The following MMAA variants were observed in gnomAD, a reference collection of about 807,000 sequenced individuals.
MMAA encodes the protein metabolism of cobalamin associated A.
MMAA carries 41 observed loss-of-function variants against 45.0 expected under a neutral mutation model. The ratio of observed to expected loss-of-function variants is 0.91; its 90% CI spans 0.71 to 1.18. MMAA has a LOEUF of 1.18. Among genes scored for constraint, MMAA ranks in the 50% most tolerant of loss-of-function variants. The pLI, the probability that MMAA is intolerant of heterozygous loss-of-function variation, is 0.00. For missense variants in MMAA, 460 were observed against 495.7 expected (o/e 0.93, Z 0.68); for synonymous variants, 154 against 178.2 (o/e 0.86, Z 1.08).
Position 145,658,799 on chromosome 4 carries a change from C to A in MMAA, c.*3365C>A, listed in dbSNP as rs961488831. On this transcript the variant is annotated 3_prime_UTR_variant, in exon 7 of 7. Transcript: ENST00000649156. Reference sequence around the variant, plus strand: ...AATGCTACTGCTAAAAACTAGTAAACTACCAGTAAACTGTGAAGACAGAAG... The same window carrying A: ...AATGCTACTGCTAAAAACTAGTAAAATACCAGTAAACTGTGAAGACAGAAG... 6.6e-6 allele frequency: 1 copy of A among 151,680 alleles called. No homozygotes were observed. Among genetic ancestry groups the A allele is most frequent in the Non-Finnish European group, 1.5e-5 (1 of 67,950 alleles). 9.4% of individuals were successfully genotyped at this position (151,680 alleles called of 1,614,324 possible).
intron 3 of MMAA, among the ~76,000 whole-genome samples, chr4:145,645,426 A>G (rs189510221): frequency 6.6e-6 from 1 of 152,342 alleles, no homozygotes; most frequent in Admixed American, 6.5e-5. Flanking sequence ...ACATTCCTGT[A>G]TATAATTACA....
chr4:145,639,481 G>A lies in MMAA; in HGVS notation c.342G>A (p.Arg114=), dbSNP rs774790573. Residue 114 remains arginine (R), a synonymous_variant, in exon 2 of 7, where the codon AGG becomes AGA. Coordinates refer to ENST00000649156, the MANE Select transcript of MMAA (RefSeq NM_172250.3). ...CTCTTGTAGAATCAACTCACAGCAG[G>A]AAAAAGGAGTTAGCCCAGGTGCTTC... The part of the protein sequence containing the change: ...AITLVESTHS[R]KKELAQVLLQ... The A allele has an allele frequency of 6.2e-7, 1 of 1,613,924 alleles. No individual in the cohort carries two copies. Among genetic ancestry groups the A allele is most frequent in the Non-Finnish European group, 8.5e-7 (1 of 1,179,978 alleles).
At chr4:145,647,617 C>A (rs1727966851) in intron 4 of MMAA, among the ~76,000 whole-genome samples, 1 of 152,034 alleles carries the variant, frequency 6.6e-6, no homozygotes, top group Non-Finnish European at 1.5e-5. Context: ...TTCCTAAGAC[C>A]CCGGACCTTT....
At chr4:145,629,125 T>C (rs1734268198) in intron 1 of MMAA, among the ~76,000 whole-genome samples, 1 of 152,148 alleles carries the variant, frequency 6.6e-6, no homozygotes. Flanking sequence ...TTGATTTGTA[T>C]ATATATATTT....
At chr4:145,655,000 A>G (rs1728185736) in intron 6 of MMAA, 147 bp from the exon 7 acceptor site, 1 of 800,850 alleles carries the variant, frequency 1.2e-6, no homozygotes, top group Non-Finnish European at 2.0e-6. Context: ...ATATTGGTAT[A>G]TTTACTTTGA....
At chr4:145,643,912 C>T (rs572607963) in intron 3 of MMAA, among the ~76,000 whole-genome samples, 1 of 152,130 alleles carries the variant, frequency 6.6e-6, no homozygotes, top group East Asian at 1.9e-4. Context: ...GTTTCCTAAC[C>T]TTTCTCAAAA....
rs78256020 is a variant in MMAA, at chr4:145,622,014, G to A, written c.-66+2607G>A. Among the ~76,000 whole-genome samples the A allele has an allele frequency of 2.5e-3, 385 of 152,242 alleles. 2 individuals carry two copies. The highest frequency in any genetic ancestry group is 8.6e-3 in the African/African-American group (359 of 41,544). ...GAGTTATTGACCCATGCAGAATTAT[G>A]GTGTACATTCATTAATTCTGTGAGC... is the stretch of plus-strand genomic sequence containing the variant. On this transcript the variant is annotated intron_variant, in intron 1 of 6. Transcript: ENST00000649156.
intron 1 of MMAA, among the ~76,000 whole-genome samples, chr4:145,622,203 G>A (rs1734101616): frequency 6.6e-6 from 1 of 151,858 alleles, no homozygotes; most frequent in Non-Finnish European, 1.5e-5. Flanking sequence ...CTGTTCTCAT[G>A]ATAGTGAATG....
At chr4:145,623,579 G>T (rs1447935392) in intron 1 of MMAA, among the ~76,000 whole-genome samples, 2 of 152,172 alleles carry the variant, frequency 1.3e-5, no homozygotes, top group South Asian at 2.1e-4. Flanking sequence ...GGTAATTAAT[G>T]TCAAAAGTTC....
In MMAA at chr4:145,639,285, T is replaced by A; in HGVS notation, c.146T>A (p.Leu49His). 6.2e-7 allele frequency: 1 copy of A among 1,614,202 alleles called. No homozygotes were observed. The highest frequency in any genetic ancestry group is 8.5e-7 in the Non-Finnish European group (1 of 1,180,048). The part of the protein sequence containing the change: ...PCAQPFNSLG[L>H]HCTKWMLLSD... ...GCTCAGCCGTTTAATTCTCTTGGAC[T>A]CCATTGTACAAAGTGGATGCTGCTG... is the stretch of plus-strand genomic sequence containing the variant. The change falls in exon 2 of 7, where the codon CTC becomes CAC. Residue 49 changes from leucine to histidine, a missense_variant. By Grantham distance (99) the Leu-to-His change is moderately conservative. Transcript: ENST00000649156.
Position 145,653,994 on chromosome 4 carries a change from G to A in MMAA, c.820G>A (p.Gly274Ser). 6.2e-7 allele frequency: 1 copy of A among 1,613,904 alleles called. No individual in the cohort carries two copies. Among genetic ancestry groups the A allele is most frequent in the Admixed American group, 1.7e-5 (1 of 60,002 alleles). Reference protein sequence around the residue: ...LPPAGGDELQGIKRGIIEMAD... With the variant: ...LPPAGGDELQSIKRGIIEMAD... ...CATTAAATGTTTCTGATCTCTTTAGGGTATCAAAAGGGGTATAATCGAGAT... is the reference window on the plus strand; with the variant it reads ...CATTAAATGTTTCTGATCTCTTTAGAGTATCAAAAGGGGTATAATCGAGAT... Residue 274 changes from glycine (G) to serine (S), a missense_variant and splice_region_variant, in exon 6 of 7, where the codon GGT becomes AGT. By Grantham distance (56) the Gly-to-Ser change is moderately conservative (BLOSUM62 0). Transcript: ENST00000649156.
At chr4:145,621,598 G>A (rs1443911889) in intron 1 of MMAA, among the ~76,000 whole-genome samples, 5 of 152,136 alleles carry the variant, frequency 3.3e-5, no homozygotes, top group Non-Finnish European at 7.4e-5. Flanking sequence ...TGGTTGGGGG[G>A]GGTGGAATAT....
In MMAA at chr4:145,655,154, G is replaced by A. The variant is rs201547892; in HGVS notation, c.977G>A (p.Arg326His). The A allele has an allele frequency of 1.3e-4, 211 of 1,613,958 alleles. No individual in the cohort carries two copies. Among genetic ancestry groups the A allele is most frequent in the East Asian group, 1.8e-4 (8 of 44,882 alleles). Residue 326 changes from arginine (R) to histidine (H), a missense_variant, in exon 7 of 7, where the codon CGT becomes CAT. Coordinates refer to ENST00000649156, the MANE Select transcript of MMAA (RefSeq NM_172250.3). Reference protein sequence around the residue: ...RSQVWKPKVIRISARSGEGIS... With the variant: ...RSQVWKPKVIHISARSGEGIS... Reference sequence around the variant, plus strand: ...TTCTTCCCTTTTCGATAGGTAATTCGTATTTCTGCCCGAAGTGGAGAGGGG... The same window carrying A: ...TTCTTCCCTTTTCGATAGGTAATTCATATTTCTGCCCGAAGTGGAGAGGGG...
intron 1 of MMAA, among the ~76,000 whole-genome samples, chr4:145,633,498 G>A (rs1313635115): frequency 6.6e-6 from 1 of 152,098 alleles, no homozygotes; most frequent in Non-Finnish European, 1.5e-5. Context: ...ACATTCAGTC[G>A]TGTCTTGAAT....
intron 6 of MMAA, among the ~76,000 whole-genome samples, chr4:145,654,795 C>T (rs1047454092): frequency 3.3e-5 from 5 of 152,168 alleles, no homozygotes; most frequent in Non-Finnish European, 7.3e-5. Flanking sequence ...GCTTCATTTT[C>T]TGGCACTCAG....
chr4:145,623,880 C>G (rs1275810379), intron 1 of MMAA, among the ~76,000 whole-genome samples: 3 of 152,194 alleles, frequency 2.0e-5, no homozygotes, highest in Non-Finnish European at 4.4e-5. Context: ...GTGAAAAAGA[C>G]ATACCCACAA....
At chr4:145,624,813 ACCT>A in intron 1 of MMAA, 2 of 1,604,822 alleles carry the variant, frequency 1.2e-6, no homozygotes, top group East Asian at 2.2e-5. Context: ...GGCTCTGCAC[ACCT>A]CCTCTACCTT....
In MMAA at chr4:145,655,366, C is replaced by G. The variant is rs1360999125; in HGVS notation, c.1189C>G (p.Leu397Val). 1.9e-6 allele frequency: 3 copies of G among 1,614,072 alleles called. No individual in the cohort carries two copies. The stretch of plus-strand genomic sequence containing the variant: ...GATTCCACTTCTGGAACAAAAGGTT[C>G]TCATTGGGGCCCTGTCCCCAGGACT... ...EQIPLLEQKVLIGALSPGLAA... is the reference protein window; with the variant it reads ...EQIPLLEQKVVIGALSPGLAA... Residue 397 changes from leucine to valine, a missense_variant, in exon 7 of 7, where the codon CTC becomes GTC. By Grantham distance (32) the Leu-to-Val change is conservative. Coordinates refer to ENST00000649156, the MANE Select transcript of MMAA (RefSeq NM_172250.3).
intron 1 of MMAA, among the ~76,000 whole-genome samples, chr4:145,620,018 A>T (rs1451909859): frequency 6.6e-6 from 1 of 152,172 alleles, no homozygotes; most frequent in Non-Finnish European, 1.5e-5. Flanking sequence ...TAATATAAAA[A>T]TTTTTTATTA....
Sources: allele counts gnomAD v4.1 joint callset (sites outside exome capture counted in the v4.1 genomes callset), GRCh38; gene constraint gnomAD v4.1.1; transcripts MANE v1.5; gene names NCBI Gene and HGNC (gene_info 2026-07-23, HGNC 2026-07-21).